The following LINC00632 variants were observed in gnomAD, a reference collection of about 807,000 sequenced individuals.
LINC00632 encodes the protein ALDOA related specific transcript.
At chrX:140,716,263 C>T (rs1176660154) in intron 2 of LINC00632, 2 of 111,573 alleles carry the variant, frequency 1.8e-5, no homozygotes, top group South Asian at 3.8e-4. Context: ...ATCAAGGTCC[C>T]GTCCCTTGCT....
intron 2 of LINC00632, among the ~76,000 whole-genome samples, chrX:140,719,047 G>A (rs1930685369): frequency 8.9e-6 from 1 of 111,785 alleles, no homozygotes; most frequent in South Asian, 3.7e-4. Context: ...TAACAGACAA[G>A]AAACCAGGAC....
intron 2 of LINC00632, among the ~76,000 whole-genome samples, chrX:140,724,414 A>G (rs759024304): frequency 1.1e-5 from 1 of 91,134 alleles, no homozygotes; most frequent in South Asian, 4.9e-4. Flanking sequence ...CCATACACAT[A>G]CACACATTCC....
chrX:140,758,351 A>G (rs1931527553), intron 3 of LINC00632, among the ~76,000 whole-genome samples: 1 of 104,191 alleles, frequency 9.6e-6, no homozygotes, highest in Non-Finnish European at 1.9e-5. Flanking sequence ...TGTAAAAATG[A>G]TGTATGAAAG....
intron 2 of LINC00632, among the ~76,000 whole-genome samples, chrX:140,721,038 G>A (rs930171043): frequency 5.4e-5 from 6 of 111,060 alleles, no homozygotes; most frequent in South Asian, 3.8e-4. Flanking sequence ...CCAGACTTAC[G>A]TTGCAATAGC....
chrX:140,725,282 TAC>T (rs747008542), intron 2 of LINC00632, among the ~76,000 whole-genome samples: 18 of 31,689 alleles, frequency 5.7e-4, no homozygotes, highest in South Asian at 3.4e-3. Flanking sequence ...ACACATTCCA[TAC>T]ACACACACAT....
intron 3 of LINC00632, among the ~76,000 whole-genome samples, chrX:140,756,510 A>G (rs1438571688): frequency 1.8e-5 from 2 of 111,393 alleles, no homozygotes; most frequent in African/African-American, 3.3e-5. Flanking sequence ...AGGGGAAGGG[A>G]GCAGGAACTT....
rs187389503 is a variant in LINC00632 at position 140,753,482 on chromosome X, A to G, written n.192-18596A>G. The stretch of plus-strand genomic sequence containing the variant: ...TCTTTGAGCATAATCTCATGGTGGA[A>G]GAGTGCCTTAGCTTCTAGAGCTGTG... On this transcript the variant is annotated intron_variant and non_coding_transcript_variant, in intron 3 of 4. Coordinates refer to ENST00000648200, the Ensembl canonical transcript of LINC00632. 6.3e-5 allele frequency among the ~76,000 whole-genome samples: 7 copies of G among 111,429 alleles called. No individual in the cohort carries two copies. In the Admixed American group the frequency reaches 6.7e-4, roughly 11 times the overall value.
intron 3 of LINC00632, among the ~76,000 whole-genome samples, chrX:140,750,244 T>C (rs1931390179): frequency 9.0e-6 from 1 of 110,519 alleles, no homozygotes; most frequent in Non-Finnish European, 1.9e-5. Context: ...GAGAGTAGAA[T>C]GATGTTTGCC....
At position 140,783,468 on chromosome X, in the gene LINC00632, C is replaced by T. The variant is rs1602758055; in HGVS notation, n.11487C>T. 5 of 771,653 alleles carry T rather than the reference C, an allele frequency of 6.5e-6. No homozygotes were observed. The Admixed American group carries it at 1.6e-4, about 25-fold the overall frequency. The allele number at this position is 771,653 out of a possible 1,213,427, so 63.6% of individuals were successfully genotyped here. ...GGAAATCCATGTCTTCCAATAATTT[C>T]AAGGTCTTCCATCAAATACAGATCT... On this transcript the variant is annotated non_coding_transcript_exon_variant, in exon 5 of 5. Transcript: ENST00000648200.
At chrX:140,719,586 A>G (rs1290337096) in intron 2 of LINC00632, among the ~76,000 whole-genome samples, 3 of 107,776 alleles carry the variant, frequency 2.8e-5, no homozygotes, top group Non-Finnish European at 5.8e-5. Flanking sequence ...GTGAGCCACC[A>G]CGCCTGGCCT....
chrX:140,723,715 GCCATACACACATTCCAAACACACACACA>G (rs1930809397), intron 2 of LINC00632, among the ~76,000 whole-genome samples: 2 of 113 alleles, frequency 0.018, no homozygotes, highest in Non-Finnish European at 0.031. Context: ...ATACACACAC[GCCATACACACATTCCAAACACACACACA>G]CATTCCATAC....
At chrX:140,744,567 T>TTTGGG (rs1556024293) in intron 3 of LINC00632, among the ~76,000 whole-genome samples, 1 of 18,209 alleles carries the variant, frequency 5.5e-5, no homozygotes, top group African/African-American at 1.9e-4. Context: ...AGCTTTTTTT[T>TTTGGG]GGGGGGGGGG....
At chrX:140,756,124 A>C (rs1379665412) in intron 3 of LINC00632, among the ~76,000 whole-genome samples, 1 of 112,015 alleles carries the variant, frequency 8.9e-6, no homozygotes. Context: ...GGATAGTACT[A>C]TTAAGTCATC....
chrX:140,763,075 T>G (rs1876766516), intron 3 of LINC00632, among the ~76,000 whole-genome samples: 1 of 111,846 alleles, frequency 8.9e-6, no homozygotes, highest in African/African-American at 3.3e-5. Flanking sequence ...GTTATTGTCT[T>G]GTTTGTTAAA....
rs771241934 is a variant in LINC00632, at chrX:140,763,272, G to A, written n.192-8806G>A. On this transcript the variant is annotated intron_variant and non_coding_transcript_variant, in intron 3 of 4. Transcript: ENST00000648200. ...ACAAATATTAGCCAGGCATAGTGGC[G>A]GGTGCCTGTAATCTCAGCTACTTAG... Among the ~76,000 whole-genome samples, 251 of 109,032 alleles carry A rather than the reference G, an allele frequency of 2.3e-3. 1 individual carries two copies. Among genetic ancestry groups the A allele is most frequent in the African/African-American group, 7.9e-3 (237 of 30,013 alleles). The allele number at this position is 109,032 out of a possible 115,157, so 94.7% of individuals were successfully genotyped here.
chrX:140,713,998 C>T (rs1181174219), intron 2 of LINC00632: 3 of 254,119 alleles, frequency 1.2e-5, no homozygotes, highest in Non-Finnish European at 2.2e-5. Context: ...TAGACTCACC[C>T]CACAGCACAC....
At chrX:140,760,471 G>C (rs892430720) in intron 3 of LINC00632, among the ~76,000 whole-genome samples, 1 of 111,696 alleles carries the variant, frequency 9.0e-6, no homozygotes, top group African/African-American at 3.3e-5. Context: ...TGGTAAAACA[G>C]AAGAAATAGC....
chrX:140,769,617 TAAAC>T (rs762230062), intron 3 of LINC00632, among the ~76,000 whole-genome samples: 8 of 111,451 alleles, frequency 7.2e-5, no homozygotes, highest in Admixed American at 4.8e-4. Context: ...TCAAGACAGC[TAAAC>T]AACTCCACCT....
At chrX:140,788,915 G>A (rs75502336) in exon 5 of LINC00632, among the ~76,000 whole-genome samples, 39 of 287 alleles carry the variant, frequency 0.14, no homozygotes, top group Middle Eastern at 0.5. Context: ...ATATATATAT[G>A]TGTGTGTGTG....
Sources: gnomAD v4.1 joint callset for allele counts (sites outside exome capture counted in the v4.1 genomes callset) on GRCh38, gnomAD v4.1.1 for gene constraint, MANE v1.5 for transcripts, NCBI Gene and HGNC (gene_info 2026-07-23, HGNC 2026-07-21) for gene names.